Variants in SPOCK3 observed in about 807,000 individuals in gnomAD.
The protein encoded by SPOCK3 is SPARC (osteonectin), cwcv and kazal like domains proteoglycan 3.
A neutral mutation model predicts 56.6 loss-of-function variants in SPOCK3; 30 were observed. That is an observed-to-expected ratio of 0.53 (90% CI 0.40 to 0.72). SPOCK3 has a LOEUF of 0.72. Among genes scored for constraint, SPOCK3 ranks in the 30% least tolerant of loss-of-function variants. SPOCK3 has a pLI of 0.00. For missense variants in SPOCK3, 527 were observed against 530.0 expected, an observed-to-expected ratio of 0.99 and a Z score of 0.06; for synonymous variants, 196 against 183.3, an observed-to-expected ratio of 1.07 and a Z score of -0.56.
At chr4:166,820,874 CATT>C (rs1159230618) in intron 6 of SPOCK3, among the ~76,000 whole-genome samples, 1 of 151,852 alleles carries the variant, frequency 6.6e-6, no homozygotes, top group African/African-American at 2.4e-5. Flanking sequence ...AGAAGTAAAT[CATT>C]GTGACCTTTG....
chr4:166,878,530 T>G (rs1375955152), intron 6 of SPOCK3, among the ~76,000 whole-genome samples: 2 of 151,534 alleles, frequency 1.3e-5, no homozygotes, highest in Admixed American at 1.3e-4. Flanking sequence ...AATGTATATT[T>G]TAAATGTATA....
chr4:167,195,833 C>T (rs781198238), intron 2 of SPOCK3, among the ~76,000 whole-genome samples: 6 of 152,164 alleles, frequency 3.9e-5, no homozygotes, highest in African/African-American at 1.2e-4. Flanking sequence ...CTCAGAGACA[C>T]GCTGGGGTGT....
intron 4 of SPOCK3, among the ~76,000 whole-genome samples, chr4:166,959,619 GA>G (rs11290751): frequency 0.76 from 111,131 of 145,286 alleles, 41,855 homozygotes; most frequent in East Asian, 0.91. Flanking sequence ...CTCAAAAAAA[GA>G]AAAAAAAAAA....
chr4:166,795,820 A>T (rs900626861), intron 6 of SPOCK3, among the ~76,000 whole-genome samples: 6 of 152,156 alleles, frequency 3.9e-5, no homozygotes, highest in Non-Finnish European at 5.9e-5. Context: ...TCTGCCTATT[A>T]CAAAAATCTC....
rs115389724 is a variant in SPOCK3 at position 166,783,416 on chromosome 4, C to T, written c.709+8754G>A. Among the ~76,000 whole-genome samples the T allele has an allele frequency of 7.3e-3, 1,103 of 152,058 alleles. 11 individuals are homozygous for T. The highest frequency in any genetic ancestry group is 0.025 in the African/African-American group (1,050 of 41,496). On this transcript the variant is annotated intron_variant, in intron 7 of 10. Coordinates refer to ENST00000357545, the MANE Select transcript of SPOCK3 (RefSeq NM_001040159.2). Reference sequence around the variant, plus strand: ...AACTCAGGCTGCTAACATTTTCTACCTCATGAAAAAAGGGAATGAATGGAG... The same window carrying T: ...AACTCAGGCTGCTAACATTTTCTACTTCATGAAAAAAGGGAATGAATGGAG...
At chr4:167,140,626 G>T (rs566834585) in intron 2 of SPOCK3, among the ~76,000 whole-genome samples, 1 of 152,138 alleles carries the variant, frequency 6.6e-6, no homozygotes, top group African/African-American at 2.4e-5. Context: ...GACAGATTGT[G>T]TATCTATTCT....
intron 5 of SPOCK3, among the ~76,000 whole-genome samples, chr4:166,909,623 C>A (rs1043503476): frequency 2.6e-5 from 4 of 152,006 alleles, no homozygotes; most frequent in African/African-American, 9.7e-5. Flanking sequence ...AATGTAGGGC[C>A]CCACATCCAA....
At chr4:166,818,245 G>A (rs1744577426) in intron 6 of SPOCK3, among the ~76,000 whole-genome samples, 1 of 150,554 alleles carries the variant, frequency 6.6e-6, no homozygotes, top group Non-Finnish European at 1.5e-5. Context: ...GTATTCCATT[G>A]TGTGTGTGTG....
chr4:167,052,026 T>C (rs1246946081), intron 3 of SPOCK3, among the ~76,000 whole-genome samples: 3 of 152,228 alleles, frequency 2.0e-5, no homozygotes, highest in Non-Finnish European at 4.4e-5. Context: ...TGATATGAAG[T>C]AAATCAAGCA....
chr4:166,807,282 G>T (rs1304672599), intron 6 of SPOCK3, among the ~76,000 whole-genome samples: 1 of 150,902 alleles, frequency 6.6e-6, no homozygotes, highest in African/African-American at 2.4e-5. Flanking sequence ...GGCTAGCTTT[G>T]GGACTGAGTG....
chr4:167,230,216 A>G (rs114412301), intron 2 of SPOCK3, among the ~76,000 whole-genome samples: 1,995 of 152,042 alleles, frequency 0.013, 27 homozygotes, highest in Non-Finnish European at 0.023. Context: ...TTACTAAGTA[A>G]TTCATTGGTT....
chr4:166,949,027 A>T (rs1742153136), intron 4 of SPOCK3, among the ~76,000 whole-genome samples: 1 of 152,114 alleles, frequency 6.6e-6, no homozygotes, highest in African/African-American at 2.4e-5. Context: ...TATTTCTTGG[A>T]GGCTTTGTTC....
intron 3 of SPOCK3, among the ~76,000 whole-genome samples, chr4:167,054,176 C>G (rs769603160): frequency 6.6e-6 from 1 of 152,106 alleles, no homozygotes; most frequent in Non-Finnish European, 1.5e-5. Flanking sequence ...GATAGGGTAC[C>G]TCAGTTCAAG....
chr4:167,184,677 C>T (rs1731798168), intron 2 of SPOCK3, among the ~76,000 whole-genome samples: 2 of 152,138 alleles, frequency 1.3e-5, no homozygotes, highest in Admixed American at 6.5e-5. Context: ...CTTTTAAAAA[C>T]TGGAAAATAA....
chr4:167,168,432 C>T (rs1232784775), intron 2 of SPOCK3, among the ~76,000 whole-genome samples: 2 of 152,062 alleles, frequency 1.3e-5, no homozygotes, highest in African/African-American at 2.4e-5. Context: ...GGCCAAAATG[C>T]TGATAGTGAT....
intron 5 of SPOCK3, among the ~76,000 whole-genome samples, chr4:166,901,069 C>G (rs1735997035): frequency 6.6e-6 from 1 of 152,124 alleles, no homozygotes; most frequent in Non-Finnish European, 1.5e-5. Flanking sequence ...TTCCATTTCA[C>G]TTAACCTTAC....
chr4:167,205,522 A>AT (rs1259899238), intron 2 of SPOCK3, among the ~76,000 whole-genome samples: 7 of 58,934 alleles, frequency 1.2e-4, no homozygotes, highest in South Asian at 7.9e-4. Flanking sequence ...TATATATTAT[A>AT]TATATTATTA....
At chr4:167,101,272 T>C (rs968266817) in intron 2 of SPOCK3, among the ~76,000 whole-genome samples, 1 of 152,176 alleles carries the variant, frequency 6.6e-6, no homozygotes, top group Non-Finnish European at 1.5e-5. Flanking sequence ...TTTTATGGCT[T>C]TGGTTCTCCA....
rs574750431 is a variant in SPOCK3, at chr4:166,852,203, C to T, written c.589+36927G>A. 1.4e-4 allele frequency among the ~76,000 whole-genome samples: 22 copies of T among 151,914 alleles called. No homozygotes were observed. The South Asian group carries it at 2.7e-3, about 19-fold the overall frequency. Reference sequence around the variant, plus strand: ...GGGAGATATGCCTAATGCTAGATGACGAGTTAGTGGGTGCAGCACACCAGC... The same window carrying T: ...GGGAGATATGCCTAATGCTAGATGATGAGTTAGTGGGTGCAGCACACCAGC... On this transcript the variant is annotated intron_variant, in intron 6 of 10. Coordinates refer to ENST00000357545, the MANE Select transcript of SPOCK3 (RefSeq NM_001040159.2).
Sources: allele counts gnomAD v4.1 joint callset (sites outside exome capture counted in the v4.1 genomes callset), GRCh38; gene constraint gnomAD v4.1.1; transcripts MANE v1.5; gene names NCBI Gene and HGNC (gene_info 2026-07-23, HGNC 2026-07-21).